The following PCDH9 variants were observed in gnomAD, a reference collection of about 807,000 sequenced individuals.
PCDH9 encodes protocadherin 9.
In PCDH9, 24 loss-of-function variants were observed where a neutral mutation model predicts 70.6. The ratio of observed to expected loss-of-function variants is 0.34; its 90% CI spans 0.25 to 0.48. PCDH9 has a LOEUF of 0.48. Among genes scored for constraint, PCDH9 ranks in the 20% least tolerant of loss-of-function variants. The pLI is 0.99. For missense variants in PCDH9, 1,281 were observed against 1,503.6 expected, an observed-to-expected ratio of 0.85 and a Z score of 2.45; for synonymous variants, 562 against 558.5, an observed-to-expected ratio of 1.01 and a Z score of -0.09.
chr13:66,753,161 T>A (rs2079486142), intron 3 of PCDH9, among the ~76,000 whole-genome samples: 1 of 152,214 alleles, frequency 6.6e-6, no homozygotes, highest in South Asian at 2.1e-4. Flanking sequence ...ATTATGTCAA[T>A]ATTTGTCATT....
chr13:67,151,505 G>GA (rs201118509), intron 2 of PCDH9, among the ~76,000 whole-genome samples: 59 of 151,670 alleles, frequency 3.9e-4, no homozygotes, highest in African/African-American at 1.3e-3. Flanking sequence ...TTGTTTGCCT[G>GA]AAAAAAAATA....
At chr13:67,212,680 T>C (rs1046415967) in intron 2 of PCDH9, 2 of 152,086 alleles carry the variant, frequency 1.3e-5, no homozygotes, top group Non-Finnish European at 2.9e-5. Flanking sequence ...TTGGTATCCA[T>C]TAGGGAAAAT....
At chr13:66,497,685 A>C (rs1959137651) in intron 4 of PCDH9, among the ~76,000 whole-genome samples, 2 of 152,164 alleles carry the variant, frequency 1.3e-5, no homozygotes, top group African/African-American at 4.8e-5. Context: ...TTGGTAGTTA[A>C]GAGGGTTTGA....
chr13:66,719,481 G>A (rs547047398), intron 3 of PCDH9, among the ~76,000 whole-genome samples: 87 of 152,214 alleles, frequency 5.7e-4, no homozygotes, highest in African/African-American at 2.0e-3. Context: ...CAGTAACAAG[G>A]TACACTCTAC....
chr13:66,826,805 T>C (rs901358748), intron 3 of PCDH9, among the ~76,000 whole-genome samples: 2 of 152,196 alleles, frequency 1.3e-5, no homozygotes, highest in Non-Finnish European at 2.9e-5. Context: ...AGACTAATCA[T>C]ATTCTGGACA....
intron 3 of PCDH9, among the ~76,000 whole-genome samples, chr13:66,783,578 T>TA (rs2080034107): frequency 6.6e-6 from 1 of 152,152 alleles, no homozygotes; most frequent in Non-Finnish European, 1.5e-5. Context: ...CTGATGTTTA[T>TA]AAAAAATATG....
chr13:67,208,680 AT>A (rs1336545086), intron 2 of PCDH9: 1 of 152,198 alleles, frequency 6.6e-6, no homozygotes, highest in African/African-American at 2.4e-5. Flanking sequence ...CTGAAAAAAA[AT>A]GTAAGTACAT....
rs139255841 is a variant in PCDH9, at chr13:66,417,427, T to C, written c.3341-112399A>G. The stretch of plus-strand genomic sequence containing the variant: ...CACGTTTCTTTTATCAAGTCTAACA[T>C]TGATGGGGATTTGGGTTGGCTCCAA... On this transcript the variant is annotated intron_variant, in intron 4 of 4. Transcript: ENST00000377865. 3.5e-3 allele frequency among the ~76,000 whole-genome samples: 530 copies of C among 152,304 alleles called. 14 individuals are homozygous for C. The East Asian group carries it at 0.061, about 17-fold the overall frequency.
At chr13:66,872,761 T>G (rs941649569) in intron 3 of PCDH9, among the ~76,000 whole-genome samples, 7 of 152,126 alleles carry the variant, frequency 4.6e-5, no homozygotes, top group African/African-American at 1.7e-4. Flanking sequence ...ATTAAATAGA[T>G]GTGCTCAAAT....
intron 3 of PCDH9, among the ~76,000 whole-genome samples, chr13:66,673,641 T>C (rs1222056536): frequency 6.6e-6 from 1 of 152,154 alleles, no homozygotes; most frequent in Admixed American, 6.5e-5. Context: ...GACACATTGA[T>C]TTATGACGTG....
intron 2 of PCDH9, among the ~76,000 whole-genome samples, chr13:67,196,914 T>C (rs1320634158): frequency 6.6e-6 from 1 of 151,968 alleles, no homozygotes; most frequent in Non-Finnish European, 1.5e-5. Flanking sequence ...AACATGGCTA[T>C]AGGCAAAAAA....
At chr13:66,812,979 T>A (rs992886931) in intron 3 of PCDH9, among the ~76,000 whole-genome samples, 4 of 152,134 alleles carry the variant, frequency 2.6e-5, no homozygotes, top group African/African-American at 9.7e-5. Flanking sequence ...TGAGGATAGA[T>A]CTCCAAAAGA....
chr13:66,548,314 C>T (rs1384797208), intron 4 of PCDH9, among the ~76,000 whole-genome samples: 2 of 152,018 alleles, frequency 1.3e-5, no homozygotes, highest in Admixed American at 6.6e-5. Flanking sequence ...CCTGTAATCC[C>T]AGCACTTTGG....
At chr13:66,692,729 A>T (rs2078505724) in intron 3 of PCDH9, among the ~76,000 whole-genome samples, 1 of 152,028 alleles carries the variant, frequency 6.6e-6, no homozygotes, top group Non-Finnish European at 1.5e-5. Flanking sequence ...ATTACTTTTA[A>T]TTTTGTTGTA....
chr13:66,996,575 T>G lies in PCDH9; in HGVS notation c.3037-92970A>C, dbSNP rs141431316. ...AGAATTTTAATAAGCATTGCTAGTG[T>G]GAGAGTGTTTCAAGAAAGGAAATAG... On this transcript the variant is annotated intron_variant, in intron 2 of 4. Coordinates refer to ENST00000377865, the MANE Select transcript of PCDH9 (RefSeq NM_203487.3). Among the ~76,000 whole-genome samples, 116 of 152,296 alleles carry G rather than the reference T, an allele frequency of 7.6e-4. 1 individual carries two copies. The East Asian group carries it at 9.1e-3, about 12-fold the overall frequency.
chr13:66,636,993 C>T (rs2077646672), intron 3 of PCDH9, among the ~76,000 whole-genome samples: 1 of 152,008 alleles, frequency 6.6e-6, no homozygotes, highest in South Asian at 2.1e-4. Flanking sequence ...CTGGAAACTG[C>T]ATTTTAATAC....
chr13:67,082,156 G>A (rs1217514950), intron 2 of PCDH9, among the ~76,000 whole-genome samples: 1 of 152,124 alleles, frequency 6.6e-6, no homozygotes, highest in Non-Finnish European at 1.5e-5. Flanking sequence ...AAACAATACA[G>A]TATTGTTAGC....
At chr13:66,824,935 G>C (rs1043692098) in intron 3 of PCDH9, among the ~76,000 whole-genome samples, 1 of 151,576 alleles carries the variant, frequency 6.6e-6, no homozygotes, top group Non-Finnish European at 1.5e-5. Flanking sequence ...CCAGTGCCAG[G>C]TATCTCAAGC....
chr13:66,517,602 C>T (rs578180837), intron 4 of PCDH9, among the ~76,000 whole-genome samples: 3 of 152,094 alleles, frequency 2.0e-5, no homozygotes, highest in South Asian at 2.1e-4. Flanking sequence ...AAAGAAAAAA[C>T]GTGTCTTGGA....
Sources: gnomAD v4.1 joint callset for allele counts (sites outside exome capture counted in the v4.1 genomes callset) on GRCh38, gnomAD v4.1.1 for gene constraint, MANE v1.5 for transcripts, NCBI Gene and HGNC (gene_info 2026-07-23, HGNC 2026-07-21) for gene names.